LRBA: variants seen among roughly 807,000 people sequenced by gnomAD.
LRBA encodes the protein lipopolysaccharide-responsive and beige-like anchor protein.
A neutral mutation model predicts 330.0 loss-of-function variants in LRBA; 176 were observed. That is an observed-to-expected ratio of 0.53 (90% CI 0.47 to 0.60). The LOEUF is 0.60. Among genes scored for constraint, LRBA ranks in the 20% least tolerant of loss-of-function variants. LRBA has a pLI of 0.00. For missense variants in LRBA, 3,259 were observed against 3,444.8 expected, an observed-to-expected ratio of 0.95 and a Z score of 1.35; for synonymous variants, 1,230 against 1,193.0, an observed-to-expected ratio of 1.03 and a Z score of -0.64.
At chr4:151,000,077 GAAC>G (rs376523846) in intron 2 of LRBA, among the ~76,000 whole-genome samples, 1 of 152,132 alleles carries the variant, frequency 6.6e-6, no homozygotes, top group African/African-American at 2.4e-5. Context: ...AGAACAGTTA[GAAC>G]AATACACAGT....
chr4:150,953,964 C>G (rs1279166838), intron 2 of LRBA, among the ~76,000 whole-genome samples: 1 of 144,706 alleles, frequency 6.9e-6, no homozygotes, highest in African/African-American at 2.6e-5. Context: ...GGGAGCGCCT[C>G]TGCCCCGCCA....
chr4:150,327,367 C>T (rs184745616), intron 48 of LRBA, among the ~76,000 whole-genome samples: 9 of 152,298 alleles, frequency 5.9e-5, no homozygotes, highest in Non-Finnish European at 1.2e-4. Context: ...CAGCAGTGAG[C>T]TATCATTGCA....
intron 2 of LRBA, among the ~76,000 whole-genome samples, chr4:151,004,811 C>T (rs1232549999): frequency 6.6e-6 from 1 of 151,780 alleles, no homozygotes; most frequent in African/African-American, 2.4e-5. Context: ...CACAGTGAAA[C>T]CCCATCTCTA....
At position 150,489,067 on chromosome 4, in the gene LRBA, T is replaced by TA. The variant is rs1758300388; in HGVS notation, c.6449-1234dup. On this transcript the variant is annotated intron_variant, in intron 41 of 56. Coordinates refer to ENST00000651943, the MANE Select transcript of LRBA (RefSeq NM_001364905.1). Reference sequence around the variant, plus strand: ...ATATATTATATATAAGAATATATAATATATTATATATAATATTATATAAGA... The same window carrying TA: ...ATATATTATATATAAGAATATATAATAATATTATATATAATATTATATAAGA... 8.2e-5 allele frequency among the ~76,000 whole-genome samples: 5 copies of TA among 60,770 alleles called. 1 individual carries two copies. In the South Asian group the frequency reaches 3.4e-3, roughly 42 times the overall value. 39.9% of individuals were successfully genotyped at this position (60,770 alleles called of 152,430 possible). A position where few individuals can be genotyped will look rare whatever the true frequency, so the allele number is the denominator to read the frequency against.
chr4:150,524,760 A>G (rs961310227), intron 40 of LRBA, among the ~76,000 whole-genome samples: 2 of 152,148 alleles, frequency 1.3e-5, no homozygotes, highest in Non-Finnish European at 2.9e-5. Flanking sequence ...TACTGCCTGT[A>G]AACTAGCAAT....
chr4:150,793,084 CAAAA>C (rs1028271215), intron 34 of LRBA, among the ~76,000 whole-genome samples: 1 of 131,242 alleles, frequency 7.6e-6, no homozygotes, highest in Non-Finnish European at 1.7e-5. Context: ...CCATCTCAAA[CAAAA>C]AAAAAAAAGA....
intron 46 of LRBA, among the ~76,000 whole-genome samples, chr4:150,419,827 G>A (rs1168768848): frequency 6.6e-6 from 1 of 150,690 alleles, no homozygotes; most frequent in East Asian, 2.0e-4. Context: ...TAGTAGAGAC[G>A]GGGTTTCAGC....
chr4:150,586,171 G>A lies in LRBA; in HGVS notation c.6330+1877C>T, dbSNP rs1772090899. 2.0e-5 allele frequency among the ~76,000 whole-genome samples: 3 copies of A among 152,120 alleles called. 1 individual carries two copies. Among genetic ancestry groups the A allele is most frequent in the African/African-American group, 7.2e-5 (3 of 41,432 alleles). On this transcript the variant is annotated intron_variant, in intron 40 of 56. Transcript: ENST00000651943. ...TTTTAAAAACATTTTCAAACAAACA[G>A]TAGGTGCTTACATTTGCACAAAATG...
intron 22 of LRBA, among the ~76,000 whole-genome samples, chr4:150,857,080 C>A (rs904639340): frequency 2.0e-5 from 3 of 152,048 alleles, no homozygotes; most frequent in Non-Finnish European, 4.4e-5. Context: ...TGTTTTTAAG[C>A]AAAGGCATCT....
intron 37 of LRBA, among the ~76,000 whole-genome samples, chr4:150,622,590 A>G (rs889916335): frequency 2.6e-5 from 4 of 152,026 alleles, no homozygotes; most frequent in Admixed American, 1.3e-4. Context: ...TCCCAGACAC[A>G]TGGAAGATAA....
rs1454498033 is a variant in LRBA at position 150,277,842 on chromosome 4, TC to T, written c.8468+10del. Reference sequence around the variant, plus strand: ...GAAACCCCTATTTGTAGCCCATGATTCCAGTGTTACCTCTGGTCGTAAGACA... The same window carrying T: ...GAAACCCCTATTTGTAGCCCATGATTCAGTGTTACCTCTGGTCGTAAGACA... On this transcript the variant is annotated intron_variant, in intron 56 of 56. Coordinates refer to ENST00000651943, the MANE Select transcript of LRBA (RefSeq NM_001364905.1). 6.2e-6 allele frequency: 10 copies of T among 1,613,150 alleles called. No homozygotes were observed. The Admixed American group carries it at 1.0e-4, about 16-fold the overall frequency.
intron 37 of LRBA, among the ~76,000 whole-genome samples, chr4:150,672,563 A>T (rs984779773): frequency 1.3e-5 from 2 of 151,734 alleles, no homozygotes; most frequent in Non-Finnish European, 2.9e-5. Flanking sequence ...ATTATAATTT[A>T]TTTTTTTTAA....
intron 4 of LRBA, 62 bp from the exon 5 acceptor site, chr4:150,921,355 C>G (rs991963884): frequency 9.5e-6 from 9 of 947,378 alleles, no homozygotes; most frequent in Non-Finnish European, 1.6e-5. Context: ...AAAAACACAT[C>G]TTTAATATAG....
intron 40 of LRBA, among the ~76,000 whole-genome samples, chr4:150,574,634 C>A (rs1770302734): frequency 6.6e-6 from 1 of 152,002 alleles, no homozygotes; most frequent in African/African-American, 2.4e-5. Flanking sequence ...TTCTGGATAG[C>A]AACCACCTTA....
At chr4:150,505,223 G>A (rs1760888691) in intron 40 of LRBA, among the ~76,000 whole-genome samples, 1 of 152,130 alleles carries the variant, frequency 6.6e-6, no homozygotes, top group African/African-American at 2.4e-5. Context: ...TCTGCACCAA[G>A]CAGACCTAAT....
At chr4:150,267,116 C>G (rs986291245) in intron 56 of LRBA, among the ~76,000 whole-genome samples, 2 of 152,134 alleles carry the variant, frequency 1.3e-5, no homozygotes, top group Non-Finnish European at 2.9e-5. Context: ...CAATACCCCA[C>G]TTTCAATAAT....
intron 40 of LRBA, among the ~76,000 whole-genome samples, chr4:150,497,967 ACT>A (rs996517117): frequency 1.4e-4 from 22 of 152,182 alleles, no homozygotes; most frequent in Non-Finnish European, 1.6e-4. Flanking sequence ...CTGAAATTTC[ACT>A]AGAAGACAGA....
At chr4:150,297,894 A>T (rs1729166654) in intron 53 of LRBA, among the ~76,000 whole-genome samples, 1 of 152,160 alleles carries the variant, frequency 6.6e-6, no homozygotes, top group Admixed American at 6.5e-5. Flanking sequence ...GGAGGAGTAA[A>T]GTGATTTCTT....
chr4:150,625,590 C>T (rs1776768605), intron 37 of LRBA, among the ~76,000 whole-genome samples: 1 of 151,802 alleles, frequency 6.6e-6, no homozygotes, highest in African/African-American at 2.4e-5. Flanking sequence ...AACACAGTGC[C>T]TCTCAATCTT....
Sources: allele counts gnomAD v4.1 joint callset (sites outside exome capture counted in the v4.1 genomes callset), GRCh38; gene constraint gnomAD v4.1.1; transcripts MANE v1.5; gene names NCBI Gene and HGNC (gene_info 2026-07-23, HGNC 2026-07-21).